LRRC34: variants seen among roughly 807,000 people sequenced by gnomAD.
LRRC34 encodes leucine rich repeat containing 34.
LRRC34 carries 44 observed loss-of-function variants against 48.5 expected under a neutral mutation model. That is an observed-to-expected ratio of 0.91 (90% CI 0.71 to 1.17). The LOEUF (loss-of-function observed/expected upper bound fraction) is 1.17, where lower values mean the gene tolerates loss of function less well. LRRC34 is among the 50% of genes most tolerant of loss of function. The pLI is 0.00. For synonymous variants in LRRC34, 192 were observed against 197.6 expected, an observed-to-expected ratio of 0.97 and a Z score of 0.24; for missense variants, 502 against 563.0, an observed-to-expected ratio of 0.89 and a Z score of 1.10.
Position 169,796,270 on chromosome 3 carries a change from A to C in LRRC34, c.1008T>G (p.Asn336Lys), listed in dbSNP as rs1367215236. ...TTTCACTGAGATAGTTTGCGCCTGC[A>C]TTTTCTATTCTGTTAAAGGAAAGAT... ...VIDLSFNRIE[N>K]AGANYLSETL... Residue 336 changes from asparagine (N) to lysine (K), a missense_variant, in exon 9 of 11, where the codon AAT (asparagine) becomes AAG (lysine). Asn to Lys is a moderately conservative substitution (Grantham distance 94). Coordinates refer to ENST00000446859, the MANE Select transcript of LRRC34 (RefSeq NM_001172779.2). 1 of 1,612,692 alleles carries C rather than the reference A, an allele frequency of 6.2e-7. No individual in the cohort carries two copies. Among genetic ancestry groups the C allele is most frequent in the Non-Finnish European group, 8.5e-7 (1 of 1,179,486 alleles).
intron 1 of LRRC34, among the ~76,000 whole-genome samples, chr3:169,808,991 G>C (rs1019949096): frequency 3.3e-5 from 5 of 152,114 alleles, no homozygotes; most frequent in Non-Finnish European, 7.3e-5. Context: ...GCAGACACTG[G>C]CTCAAGTGAG....
intron 10 of LRRC34, chr3:169,794,494 C>A (rs1433818673): frequency 6.6e-6 from 1 of 151,796 alleles, no homozygotes; most frequent in African/African-American, 2.4e-5. Context: ...CTCACTGCAA[C>A]CCCTGCCTCC....
chr3:169,796,457 T>A, intron 8 of LRRC34, 88 bp from the exon 9 acceptor site: 1 of 1,409,672 alleles, frequency 7.1e-7, no homozygotes, highest in Non-Finnish European at 9.6e-7. Context: ...AAACAGTACT[T>A]TCTGTTTTAG....
chr3:169,811,910 T>C (rs1210603631), intron 1 of LRRC34, among the ~76,000 whole-genome samples: 3 of 152,072 alleles, frequency 2.0e-5, no homozygotes, highest in Non-Finnish European at 2.9e-5. Context: ...AAAACGGAAA[T>C]GGCGGGTAGG....
Position 169,812,446 on chromosome 3 carries a change from C to A in LRRC34, c.103G>T (p.Ala35Ser), listed in dbSNP as rs1350510853. 2 of 1,532,230 alleles carry A rather than the reference C, an allele frequency of 1.3e-6. No homozygotes were observed. Among genetic ancestry groups the A allele is most frequent in the Middle Eastern group, 1.9e-4 (1 of 5,250 alleles). The allele number at this position is 1,532,230 out of a possible 1,614,324, so 94.9% of individuals were successfully genotyped here. ...ARSPAWASTQASTPGAALAVQ... is the reference protein window; with the variant it reads ...ARSPAWASTQSSTPGAALAVQ... Reference sequence around the variant, plus strand: ...GCCAGGGCCGCGCCCGGAGTACTGGCCTGAGTGGAGGCCCAAGCCGGGGAC... The same window carrying A: ...GCCAGGGCCGCGCCCGGAGTACTGGACTGAGTGGAGGCCCAAGCCGGGGAC... Residue 35 changes from alanine to serine, a missense_variant, in exon 1 of 11, where the codon GCC becomes TCC. Ala to Ser is a moderately conservative substitution (Grantham distance 99, BLOSUM62 1). Transcript: ENST00000446859. This position sits in a 1 kb window ranked among gnomAD's most constrained non-coding sequence, Gnocchi z 4.3.
chr3:169,811,565 A>T (rs1443663849), intron 1 of LRRC34, among the ~76,000 whole-genome samples: 1 of 152,188 alleles, frequency 6.6e-6, no homozygotes, highest in African/African-American at 2.4e-5. Flanking sequence ...AATGTCAAGA[A>T]CCTAACCCAA....
At position 169,796,875 on chromosome 3, in the gene LRRC34, G is replaced by A. The variant is rs778622188; in HGVS notation, c.778C>T (p.Arg260Cys). The change falls in exon 8 of 11, where the codon CGC (arginine) becomes TGC (cysteine). Residue 260 changes from arginine (R) to cysteine (C), a missense_variant. Physicochemically the swap from Arg to Cys is radical, Grantham distance 180. Transcript: ENST00000446859. ...AGACAGTGATTTTCTTTCAACATGC[G>A]GCCTACATGGACTGTAGACTCTTCC... ...EQEESTVHVG[R>C]MLKENHCLVA... The A allele has an allele frequency of 1.2e-4, 198 of 1,605,050 alleles. No individual in the cohort carries two copies. The highest frequency in any genetic ancestry group is 1.5e-4 in the Admixed American group (9 of 58,354).
Position 169,807,688 on chromosome 3 carries a change from T to C in LRRC34, c.279A>G (p.Leu93=), listed in dbSNP as rs756357544. 9 of 1,579,298 alleles carry C rather than the reference T, an allele frequency of 5.7e-6. No homozygotes were observed. Among genetic ancestry groups the C allele is most frequent in the Admixed American group, 3.7e-5 (2 of 53,806 alleles). The change falls in exon 3 of 11, where the codon TTA becomes TTG. Residue 93 remains leucine (L), a synonymous_variant. Coordinates refer to ENST00000446859, the MANE Select transcript of LRRC34 (RefSeq NM_001172779.2). The part of the protein sequence containing the change: ...IKKGLAAGIT[L]NIAGNNRLVP... The stretch of plus-strand genomic sequence containing the variant: ...CTAAGCGATTGTTACCAGCAATGTT[T>C]AATGTGATTCCTGCTGCTAGCCTGT...
chr3:169,796,811 CTG>C lies in LRRC34; in HGVS notation c.840_841del (p.Asn280LysfsTer8). 1 of 1,611,706 alleles carries C rather than the reference CTG, an allele frequency of 6.2e-7. No individual in the cohort carries two copies. The highest frequency in any genetic ancestry group is 8.5e-7 in the Non-Finnish European group (1 of 1,179,078). On this transcript the variant is annotated frameshift_variant, in exon 8 of 11. Transcript: ENST00000446859. LOFTEE classifies it high-confidence loss of function. Reference sequence around the variant, plus strand: ...TGCATCACATAACTGTTGTATACCACTGTTTTTTATATCATGCTTACACATGT... The same window carrying C: ...TGCATCACATAACTGTTGTATACCACTTTTTTATATCATGCTTACACATGT...
chr3:169,807,490 C>T lies in LRRC34; in HGVS notation c.380G>A (p.Gly127Asp), dbSNP rs752003468. Residue 127 changes from glycine (G) to aspartate (D), a missense_variant and splice_region_variant, in exon 4 of 11, where the codon GGT becomes GAT. Coordinates refer to ENST00000446859, the MANE Select transcript of LRRC34 (RefSeq NM_001172779.2). Reference sequence around the variant, plus strand: ...TAGAAGGTTATATCCAACATCCAAACCTGAAGCACAGATGAATAGAAGTGG... The same window carrying T: ...TAGAAGGTTATATCCAACATCCAAATCTGAAGCACAGATGAATAGAAGTGG... The part of the protein sequence containing the change: ...KILKNCLYIN[G>D]LDVGYNLLCD... 10 of 1,613,720 alleles carry T rather than the reference C, an allele frequency of 6.2e-6. No individual in the cohort carries two copies. The highest frequency in any genetic ancestry group is 7.6e-6 in the Non-Finnish European group (9 of 1,179,854).
intron 5 of LRRC34, among the ~76,000 whole-genome samples, chr3:169,806,486 G>T (rs956896706): frequency 1.5e-4 from 23 of 149,962 alleles, no homozygotes; most frequent in Admixed American, 1.5e-3. Flanking sequence ...GAGAGCAGGG[G>T]GTAGAAAAGA....
Position 169,807,646 on chromosome 3 carries a change from A to T in LRRC34, c.321T>A (p.Val107=), listed in dbSNP as rs910830881. 2 of 1,612,270 alleles carry T rather than the reference A, an allele frequency of 1.2e-6. No homozygotes were observed. The highest frequency in any genetic ancestry group is 1.7e-6 in the Non-Finnish European group (2 of 1,179,382). ...GNNRLVPVER[V]TGEDFWILSK... is the part of the protein sequence containing the mutation. Reference sequence around the variant, plus strand: ...AAAGAATCCAAAAATCTTCACCTGTAACTCTTTCTACTGGCACTAAGCGAT... The same window carrying T: ...AAAGAATCCAAAAATCTTCACCTGTTACTCTTTCTACTGGCACTAAGCGAT... Residue 107 remains valine (V), a synonymous_variant, in exon 3 of 11, where the codon GTT becomes GTA. Coordinates refer to ENST00000446859, the MANE Select transcript of LRRC34 (RefSeq NM_001172779.2).
intron 8 of LRRC34, 122 bp downstream of exon 8, chr3:169,796,623 T>A: frequency 9.3e-7 from 1 of 1,072,878 alleles, no homozygotes; most frequent in Non-Finnish European, 1.3e-6. Flanking sequence ...GGATTGACAA[T>A]TGGTTGCAGT....
In LRRC34 at chr3:169,793,686, G is replaced by C. The variant is rs541335548; in HGVS notation, c.1344C>G (p.Asp448Glu). The C allele has an allele frequency of 1.5e-3, 2,445 of 1,613,780 alleles. 53 individuals carry two copies. In the South Asian group the frequency reaches 0.025, roughly 17 times the overall value. ...YWTSTYGESYDHSSNAGFALV... is the reference protein window; with the variant it reads ...YWTSTYGESYEHSSNAGFALV... ...GAGCAAAACCTGCATTAGATGAGTG[G>C]TCATAAGATTCTCCATAAGTTGATG... Residue 448 changes from aspartate to glutamate, a missense_variant, in exon 11 of 11, where the codon GAC becomes GAG. Coordinates refer to ENST00000446859, the MANE Select transcript of LRRC34 (RefSeq NM_001172779.2).
chr3:169,806,802 T>G (rs775591471), intron 5 of LRRC34, 46 bp downstream of exon 5: 3 of 1,232,500 alleles, frequency 2.4e-6, no homozygotes, highest in Non-Finnish European at 2.4e-6. Context: ...TATCAGAAGT[T>G]AGAATTTCCA....
chr3:169,809,958 CTTT>C (rs11344572), intron 1 of LRRC34, among the ~76,000 whole-genome samples: 27 of 138,230 alleles, frequency 2.0e-4, no homozygotes, highest in Admixed American at 3.6e-4. Flanking sequence ...TTGGAAATTT[CTTT>C]TTTTTTTTTT....
Position 169,795,559 on chromosome 3 carries a change from G to T in LRRC34, c.1117C>A (p.Gln373Lys), listed in dbSNP as rs758701196. The change falls in exon 10 of 11, where the codon CAA becomes AAA. Residue 373 changes from glutamine to lysine, a missense_variant. Physicochemically the swap from Gln to Lys is moderately conservative, Grantham distance 53. Transcript: ENST00000446859. ...AAAGTGAGATTTGTTTTCATTGATT[G>T]TGAAAGTGCAACAAGTCCTTCTCCC... is the stretch of plus-strand genomic sequence containing the variant. ...IEGEGLVALS[Q>K]SMKTNLTFSH... 6.2e-7 allele frequency: 1 copy of T among 1,612,880 alleles called. No individual in the cohort carries two copies. The highest frequency in any genetic ancestry group is 8.5e-7 in the Non-Finnish European group (1 of 1,179,238).
At chr3:169,804,383 C>A (rs923595487) in intron 5 of LRRC34, among the ~76,000 whole-genome samples, 5 of 152,092 alleles carry the variant, frequency 3.3e-5, no homozygotes, top group Non-Finnish European at 7.4e-5. Context: ...GCAAACTCCA[C>A]CTCCTGGGTT....
rs568590681 is a variant in LRRC34, at chr3:169,802,974, T to A, written c.657+1079A>T. On this transcript the variant is annotated intron_variant, in intron 6 of 10. Transcript: ENST00000446859. ...CCTGGGTGACAAGAGTGAGACTCTG[T>A]CTCCAAAAAAAAAAAAAGTTAATCC... Among the ~76,000 whole-genome samples the A allele has an allele frequency of 2.7e-5, 4 of 150,210 alleles. 1 individual carries two copies. The highest frequency in any genetic ancestry group is 9.8e-5 in the African/African-American group (4 of 40,842).
Sources: gnomAD v4.1 joint callset for allele counts (sites outside exome capture counted in the v4.1 genomes callset) on GRCh38, gnomAD v4.1.1 for gene constraint, Gnocchi (gnomAD v3.1) non-coding constraint, MANE v1.5 for transcripts, NCBI Gene and HGNC (gene_info 2026-07-23, HGNC 2026-07-21) for gene names.